Variants in MAP4K4 observed in about 807,000 individuals in gnomAD.
The protein encoded by MAP4K4 is HPK/GCK-like kinase HGK.
A neutral mutation model predicts 189.6 loss-of-function variants in MAP4K4; 38 were observed. The ratio of observed to expected loss-of-function variants is 0.20; its 90% CI spans 0.15 to 0.26. The LOEUF (loss-of-function observed/expected upper bound fraction) is 0.26. MAP4K4 is among the 10% of genes least tolerant of loss of function. The pLI, the probability that MAP4K4 is intolerant of heterozygous loss-of-function variation, is 1.00. For synonymous variants in MAP4K4, 610 were observed against 624.3 expected (o/e 0.98, Z 0.34); for missense variants, 1,054 against 1,726.9 (o/e 0.61, Z 6.91).
rs369924468 is a variant in MAP4K4, at chr2:101,780,397, A to G, written c.124-10323A>G. Among the ~76,000 whole-genome samples the G allele has an allele frequency of 7.9e-5, 12 of 152,344 alleles. No individual in the cohort carries two copies. In the South Asian group the frequency reaches 1.2e-3, roughly 16 times the overall value. On this transcript the variant is annotated intron_variant, in intron 2 of 32. Coordinates refer to ENST00000324219, the Ensembl canonical transcript of MAP4K4. Reference sequence around the variant, plus strand: ...ATATTGAAGTTATACTGTGGATATAATTATGAGGAATCAAGTGTACTGTGA... The same window carrying G: ...ATATTGAAGTTATACTGTGGATATAGTTATGAGGAATCAAGTGTACTGTGA...
chr2:101,814,548 G>A (rs975300774), intron 3 of MAP4K4, among the ~76,000 whole-genome samples: 1 of 152,144 alleles, frequency 6.6e-6, no homozygotes, highest in Non-Finnish European at 1.5e-5. Context: ...ACAATGAAGA[G>A]AATTATTTGA....
rs563918802 is a variant in MAP4K4, at chr2:101,731,112, T to A, written c.123+32574T>A. Among the ~76,000 whole-genome samples, 237 of 152,038 alleles carry A rather than the reference T, an allele frequency of 1.6e-3. 1 individual carries two copies. Among genetic ancestry groups the A allele is most frequent in the African/African-American group, 5.4e-3 (223 of 41,514 alleles). On this transcript the variant is annotated intron_variant, in intron 2 of 32. Transcript: ENST00000324219. Reference sequence around the variant, plus strand: ...TTGAATGTGACAGTAATTTAATTTTTATTTTTATTATTACTATTTTTTGAG... The same window carrying A: ...TTGAATGTGACAGTAATTTAATTTTAATTTTTATTATTACTATTTTTTGAG...
chr2:101,755,553 A>G (rs1322938325), intron 2 of MAP4K4, among the ~76,000 whole-genome samples: 1 of 152,164 alleles, frequency 6.6e-6, no homozygotes, highest in Non-Finnish European at 1.5e-5. Flanking sequence ...TATGTCTGAC[A>G]GATGAAAAGT....
At chr2:101,834,709 C>T (rs765158756) in intron 8 of MAP4K4, among the ~76,000 whole-genome samples, 23 of 152,206 alleles carry the variant, frequency 1.5e-4, no homozygotes, top group Admixed American at 6.5e-4. Context: ...GTTGTACTCA[C>T]ATGTGTGACC....
At chr2:101,754,973 A>G (rs2071538541) in intron 2 of MAP4K4, among the ~76,000 whole-genome samples, 1 of 152,194 alleles carries the variant, frequency 6.6e-6, no homozygotes, top group East Asian at 1.9e-4. Flanking sequence ...ACATGATATG[A>G]TGAAATGTAA....
intron 3 of MAP4K4, among the ~76,000 whole-genome samples, chr2:101,797,996 C>T (rs1323468717): frequency 2.1e-5 from 3 of 144,058 alleles, no homozygotes; most frequent in Non-Finnish European, 3.0e-5. Context: ...TCTAGCTCAT[C>T]GTACCTCAAA....
At chr2:101,778,294 T>C (rs2085359441) in intron 2 of MAP4K4, among the ~76,000 whole-genome samples, 1 of 152,228 alleles carries the variant, frequency 6.6e-6, no homozygotes, top group Admixed American at 6.5e-5. Flanking sequence ...CTGTGAGTGC[T>C]CACCTCTGCG....
intron 15 of MAP4K4, chr2:101,860,086 T>G: frequency 3.4e-6 from 2 of 586,748 alleles, no homozygotes; most frequent in Middle Eastern, 4.0e-4. Context: ...GTGCCTCAGT[T>G]AACATATCCC....
intron 3 of MAP4K4, 76 bp downstream of exon 3, chr2:101,790,852 C>T (rs2092756603): frequency 1.6e-6 from 2 of 1,247,050 alleles, no homozygotes; most frequent in Admixed American, 2.0e-5. Context: ...CAGAGTATTA[C>T]TCTGTTTGGA....
intron 31 of MAP4K4, 49 bp downstream of exon 31, chr2:101,887,986 C>G: frequency 6.8e-7 from 1 of 1,480,700 alleles, no homozygotes; most frequent in Non-Finnish European, 9.1e-7. Flanking sequence ...GGAGCCGTGT[C>G]TGAGACTCCA....
Position 101,811,594 on chromosome 2 carries a change from T to G in MAP4K4, c.181-12334T>G, listed in dbSNP as rs540189130. On this transcript the variant is annotated intron_variant, in intron 3 of 32. Transcript: ENST00000324219. ...CTTGTCCCTGTGCTCTGCCTGCCTC[T>G]GTATCTGCATTGGTCCATGTGTCTC... is the stretch of plus-strand genomic sequence containing the variant. Among the ~76,000 whole-genome samples the G allele has an allele frequency of 1.8e-4, 27 of 152,200 alleles. No homozygotes were observed. In the East Asian group the frequency reaches 4.8e-3, roughly 27 times the overall value.
chr2:101,782,577 A>G (rs921831210), intron 2 of MAP4K4, among the ~76,000 whole-genome samples: 2 of 152,172 alleles, frequency 1.3e-5, no homozygotes, highest in African/African-American at 4.8e-5. Context: ...AAACGTGCAC[A>G]TATAGGAGCC....
chr2:101,856,396 A>G (rs528058512), intron 13 of MAP4K4, among the ~76,000 whole-genome samples: 2 of 152,236 alleles, frequency 1.3e-5, no homozygotes, highest in African/African-American at 2.4e-5. Context: ...TGGTCTCTAA[A>G]TAGTATAATA....
chr2:101,730,130 C>A (rs1265664643), intron 2 of MAP4K4, among the ~76,000 whole-genome samples: 1 of 152,208 alleles, frequency 6.6e-6, no homozygotes, highest in African/African-American at 2.4e-5. Context: ...GGTTTCGATT[C>A]TGCTTCGTTC....
At chr2:101,891,643 G>T (rs1268275949) in exon 33 of MAP4K4, 1 of 171,594 alleles carries the variant, frequency 5.8e-6, no homozygotes, top group Non-Finnish European at 1.3e-5. Context: ...GGTTTTATTG[G>T]CAGTGGGCAC....
intron 2 of MAP4K4, among the ~76,000 whole-genome samples, chr2:101,717,146 A>G (rs1007424777): frequency 6.6e-6 from 1 of 152,154 alleles, no homozygotes; most frequent in Non-Finnish European, 1.5e-5. Flanking sequence ...TTTGGTGCTC[A>G]AATACCTTAA....
At position 101,751,273 on chromosome 2, in the gene MAP4K4, G is replaced by A. The variant is rs138304520; in HGVS notation, c.124-39447G>A. ...ACACTGAAGAAACTGGTAAACGTTC[G>A]GTGGAACATATTCACTAGGATACCG... is the stretch of plus-strand genomic sequence containing the variant. On this transcript the variant is annotated intron_variant, in intron 2 of 32. Transcript: ENST00000324219. 1.8e-3 allele frequency among the ~76,000 whole-genome samples: 270 copies of A among 152,274 alleles called. 1 individual carries two copies. Among genetic ancestry groups the A allele is most frequent in the Non-Finnish European group, 3.2e-3 (216 of 68,030 alleles).
In MAP4K4 at chr2:101,797,889, G is replaced by GTGTTT. The variant is rs1553478618; in HGVS notation, c.180+7114_180+7115insGTTTT. 3.3e-3 allele frequency among the ~76,000 whole-genome samples: 174 copies of GTGTTT among 52,324 alleles called. 38 individuals carry two copies. Among genetic ancestry groups the GTGTTT allele is most frequent in the African/African-American group, 7.5e-3 (99 of 13,154 alleles). The allele number at this position is 52,324 out of a possible 152,430, so 34.3% of individuals were successfully genotyped here. A position where few individuals can be genotyped will look rare whatever the true frequency, so the allele number is the denominator to read the frequency against. On this transcript the variant is annotated intron_variant, in intron 3 of 32. Coordinates refer to ENST00000324219, the Ensembl canonical transcript of MAP4K4. ...TGAAGCTTTTTAAAACATTCTTTTA[G>GTGTTT]TTTTTTTTTTTTTTTTTTTTTGGAG...
intron 19 of MAP4K4, 44 bp downstream of exon 19, chr2:101,866,623 C>G (rs1489747692): frequency 1.3e-6 from 2 of 1,592,358 alleles, no homozygotes; most frequent in Non-Finnish European, 1.7e-6. Flanking sequence ...ATGTTTTGAG[C>G]TGTGATCCAT....
Sources: allele counts gnomAD v4.1 joint callset (sites outside exome capture counted in the v4.1 genomes callset), GRCh38; gene constraint gnomAD v4.1.1; transcripts MANE v1.5; gene names NCBI Gene and HGNC (gene_info 2026-07-23, HGNC 2026-07-21).